Variants in TTC27 observed in about 807,000 individuals in gnomAD.
TTC27 encodes the protein tetratricopeptide repeat protein 27.
Under a neutral mutation model 115.9 loss-of-function variants are expected in TTC27, and 79 were observed. The ratio of observed to expected loss-of-function variants is 0.68; its 90% CI spans 0.57 to 0.82. The LOEUF is 0.82. TTC27 is among the 40% of genes least tolerant of loss of function. The pLI, the probability that TTC27 is intolerant of heterozygous loss-of-function variation, is 0.00. For synonymous variants in TTC27, 401 were observed against 356.0 expected, an observed-to-expected ratio of 1.13 and a Z score of -1.42; for missense variants, 1,054 against 993.1, an observed-to-expected ratio of 1.06 and a Z score of -0.82.
Position 32,764,272 on chromosome 2 carries a change from C to T in TTC27, c.1680+5753C>T, listed in dbSNP as rs539998131. ...CCACAGAGATACTGTAGATTCAGTTCCAGGCCACCGCAGTAAAGCAAATAT... is the reference window on the plus strand; with the variant it reads ...CCACAGAGATACTGTAGATTCAGTTTCAGGCCACCGCAGTAAAGCAAATAT... On this transcript the variant is annotated intron_variant, in intron 13 of 19. Coordinates refer to ENST00000317907, the MANE Select transcript of TTC27 (RefSeq NM_017735.5). 2.0e-5 allele frequency among the ~76,000 whole-genome samples: 3 copies of T among 152,148 alleles called. No individual in the cohort carries two copies. The East Asian group carries it at 5.8e-4, about 29-fold the overall frequency.
At chr2:32,633,854 C>A (rs748009081) in intron 2 of TTC27, 22 bp from the exon 3 acceptor site, 29 of 1,608,272 alleles carry the variant, frequency 1.8e-5, no homozygotes, top group Non-Finnish European at 2.3e-5. Context: ...ATATTTATTT[C>A]TTTAACCATT....
At position 32,782,628 on chromosome 2, in the gene TTC27, T is replaced by C; in HGVS notation, c.1782T>C (p.Asn594=). Residue 594 remains asparagine (N), a splice_region_variant and synonymous_variant, in exon 15 of 20, where the codon AAT becomes AAC. Coordinates refer to ENST00000317907, the MANE Select transcript of TTC27 (RefSeq NM_017735.5). ...FQRCVTLEPD[N]AEAWNNLSTS... ...AACTGTGTTCTCTATCATTTCAGAATGCTGAAGCTTGGAACAATTTGTCAA... is the reference window on the plus strand; with the variant it reads ...AACTGTGTTCTCTATCATTTCAGAACGCTGAAGCTTGGAACAATTTGTCAA... 2 of 1,611,956 alleles carry C rather than the reference T, an allele frequency of 1.2e-6. No individual in the cohort carries two copies. Among genetic ancestry groups the C allele is most frequent in the Non-Finnish European group, 1.7e-6 (2 of 1,178,662 alleles).
At chr2:32,674,715 A>G (rs1486027852) in intron 8 of TTC27, among the ~76,000 whole-genome samples, 1 of 148,888 alleles carries the variant, frequency 6.7e-6, no homozygotes, top group African/African-American at 2.5e-5. Flanking sequence ...GCTGGAGTGC[A>G]GTGGCGCGAT....
chr2:32,776,997 G>C (rs964081474), intron 13 of TTC27, among the ~76,000 whole-genome samples: 1 of 152,008 alleles, frequency 6.6e-6, no homozygotes, highest in African/African-American at 2.4e-5. Flanking sequence ...TTTGTAATCT[G>C]AATAGCTACT....
At chr2:32,648,256 T>C (rs1664942827) in intron 4 of TTC27, among the ~76,000 whole-genome samples, 1 of 152,000 alleles carries the variant, frequency 6.6e-6, no homozygotes, top group Non-Finnish European at 1.5e-5. Context: ...ACCTCCCGAG[T>C]AGCTGGGATT....
At chr2:32,688,668 A>C (rs887752670) in intron 9 of TTC27, among the ~76,000 whole-genome samples, 6 of 152,132 alleles carry the variant, frequency 3.9e-5, no homozygotes, top group African/African-American at 1.4e-4. Flanking sequence ...ATGTGTAATA[A>C]CATTAGTCAT....
At chr2:32,725,394 C>T (rs1668075565) in intron 10 of TTC27, among the ~76,000 whole-genome samples, 2 of 152,024 alleles carry the variant, frequency 1.3e-5, no homozygotes. Flanking sequence ...TAAATACAGC[C>T]ATTCCAAATG....
chr2:32,633,146 C>G (rs1664277872), intron 2 of TTC27, among the ~76,000 whole-genome samples: 1 of 152,094 alleles, frequency 6.6e-6, no homozygotes, highest in African/African-American at 2.4e-5. Flanking sequence ...CTTGCAACAT[C>G]AGAGCTGTTA....
At chr2:32,776,699 C>G (rs563909414) in intron 13 of TTC27, among the ~76,000 whole-genome samples, 40 of 152,294 alleles carry the variant, frequency 2.6e-4, no homozygotes, top group African/African-American at 9.1e-4. Flanking sequence ...GCCTCCACCT[C>G]CTAGGTTCAA....
intron 12 of TTC27, among the ~76,000 whole-genome samples, chr2:32,753,607 G>A (rs1007092080): frequency 1.3e-5 from 2 of 151,644 alleles, no homozygotes; most frequent in Non-Finnish European, 2.9e-5. Context: ...GTGCCACCGC[G>A]CCCATATTTT....
At chr2:32,811,809 G>A (rs1429372731) in intron 17 of TTC27, among the ~76,000 whole-genome samples, 1 of 152,158 alleles carries the variant, frequency 6.6e-6, no homozygotes, top group African/African-American at 2.4e-5. Context: ...TGGAATAATT[G>A]TTTTATGTTT....
intron 16 of TTC27, among the ~76,000 whole-genome samples, chr2:32,798,884 G>A (rs1670820952): frequency 6.6e-6 from 1 of 152,002 alleles, no homozygotes; most frequent in South Asian, 2.1e-4. Flanking sequence ...TTTTACTTCT[G>A]GGTATATACC....
At chr2:32,673,545 T>A (rs1334288227) in intron 8 of TTC27, among the ~76,000 whole-genome samples, 1 of 152,176 alleles carries the variant, frequency 6.6e-6, no homozygotes, top group Admixed American at 6.5e-5. Context: ...CGTTTTTAGC[T>A]GGGATGTCAG....
At chr2:32,632,200 G>C (rs970818505) in intron 2 of TTC27, among the ~76,000 whole-genome samples, 1 of 145,700 alleles carries the variant, frequency 6.9e-6, no homozygotes, top group African/African-American at 2.6e-5. Context: ...TTGTAGAGAT[G>C]GTGTCTTGAT....
intron 9 of TTC27, among the ~76,000 whole-genome samples, chr2:32,688,734 C>T (rs77900143): frequency 0.014 from 2,119 of 152,206 alleles, 40 homozygotes; most frequent in African/African-American, 0.049. Context: ...ACTGAAAAGA[C>T]TTACATAACA....
chr2:32,657,836 T>A (rs543855909), intron 5 of TTC27, among the ~76,000 whole-genome samples: 18 of 151,316 alleles, frequency 1.2e-4, no homozygotes, highest in South Asian at 2.1e-4. Context: ...AAAAAAAAAA[T>A]TTTTTTTTGA....
At chr2:32,736,144 G>A (rs1258763591) in intron 11 of TTC27, among the ~76,000 whole-genome samples, 3 of 151,826 alleles carry the variant, frequency 2.0e-5, no homozygotes, top group Non-Finnish European at 4.4e-5. Flanking sequence ...AACTTTCACT[G>A]ACCTTAACTC....
At chr2:32,780,222 T>A in intron 14 of TTC27, 1 of 337,422 alleles carries the variant, frequency 3.0e-6, no homozygotes. Flanking sequence ...AAAGACCTTA[T>A]ATTGAATCTG....
chr2:32,646,466 G>A (rs1323694761), intron 4 of TTC27, among the ~76,000 whole-genome samples: 1 of 151,830 alleles, frequency 6.6e-6, no homozygotes, highest in Non-Finnish European at 1.5e-5. Context: ...TACTGTGCCA[G>A]CCCTCTATTT....
Sources: allele counts gnomAD v4.1 joint callset (sites outside exome capture counted in the v4.1 genomes callset), GRCh38; gene constraint gnomAD v4.1.1; transcripts MANE v1.5; gene names NCBI Gene and HGNC (gene_info 2026-07-23, HGNC 2026-07-21).